The following WDR82 variants were observed in gnomAD, a reference collection of about 807,000 sequenced individuals.
The protein encoded by WDR82 is WD repeat-containing protein 82.
A neutral mutation model predicts 36.1 loss-of-function variants in WDR82; 8 were observed. That is an observed-to-expected ratio of 0.22 (90% CI 0.13 to 0.40). The LOEUF (loss-of-function observed/expected upper bound fraction) is 0.40, where lower values mean the gene tolerates loss of function less well. WDR82 is among the 10% of genes least tolerant of loss of function. The pLI, the probability that WDR82 is intolerant of heterozygous loss-of-function variation, is 1.00. For synonymous variants in WDR82, 129 were observed against 137.8 expected, an observed-to-expected ratio of 0.94 and a Z score of 0.45; for missense variants, 185 against 400.5, an observed-to-expected ratio of 0.46 and a Z score of 4.59.
rs1274552841 is a variant in WDR82 at position 52,277,110 on chromosome 3, C to T, written c.161+1091G>A. Among the ~76,000 whole-genome samples the T allele has an allele frequency of 2.1e-5, 3 of 144,974 alleles. No homozygotes were observed. In the East Asian group the frequency reaches 6.1e-4, roughly 29 times the overall value. ...ATAATAATAATAATAATATCTGTTA[C>T]TAGGTGACAAAATCAAGTCTGAAAA... On this transcript the variant is annotated intron_variant, in intron 1 of 8. Transcript: ENST00000296490.
At chr3:52,271,700 T>C (rs1700155550) in intron 1 of WDR82, among the ~76,000 whole-genome samples, 1 of 152,198 alleles carries the variant, frequency 6.6e-6, no homozygotes, top group East Asian at 1.9e-4. Context: ...CTTCCTATCC[T>C]ACAGGTCAAA....
chr3:52,268,855 C>T (rs547682285), intron 2 of WDR82, among the ~76,000 whole-genome samples: 2 of 152,210 alleles, frequency 1.3e-5, no homozygotes, highest in South Asian at 4.1e-4. Context: ...GAGATGGAGC[C>T]TCGCTCTGTC....
At chr3:52,275,182 C>T (rs1419129835) in intron 1 of WDR82, among the ~76,000 whole-genome samples, 1 of 152,074 alleles carries the variant, frequency 6.6e-6, no homozygotes, top group Non-Finnish European at 1.5e-5. Flanking sequence ...GATGGAGCCA[C>T]TGCACTCCAG....
At chr3:52,265,299 C>CAAAAAA (rs869189597) in intron 3 of WDR82, among the ~76,000 whole-genome samples, 17 of 43,808 alleles carry the variant, frequency 3.9e-4, no homozygotes, top group East Asian at 2.0e-3. Flanking sequence ...GACTCTGTCT[C>CAAAAAA]AAAAAAAAAA....
At chr3:52,259,624 A>G in intron 6 of WDR82, 93 bp downstream of exon 6, 1 of 1,440,206 alleles carries the variant, frequency 6.9e-7, no homozygotes, top group Admixed American at 2.2e-5. Context: ...GTAAGTCAAG[A>G]GTAACTGTTG....
intron 4 of WDR82, 49 bp downstream of exon 4, chr3:52,261,331 T>C (rs1476247483): frequency 1.3e-6 from 2 of 1,511,888 alleles, no homozygotes; most frequent in African/African-American, 1.4e-5. Context: ...TTCATTACAG[T>C]GCCTACCAAA....
At chr3:52,260,597 G>A (rs1419203454) in intron 4 of WDR82, 96 bp from the exon 5 acceptor site, 3 of 757,278 alleles carry the variant, frequency 4.0e-6, no homozygotes, top group Non-Finnish European at 4.1e-6. Flanking sequence ...AAAAAAAAAT[G>A]AATCCAGGAC....
chr3:52,260,266 T>C (rs1578005260), intron 5 of WDR82, 119 bp downstream of exon 5: 5 of 646,876 alleles, frequency 7.7e-6, no homozygotes, highest in Non-Finnish European at 5.0e-6. Flanking sequence ...GAGGCAGAGG[T>C]TGCAGTGAGC....
Position 52,257,583 on chromosome 3 carries a change from A to G in WDR82, c.913-64T>C, listed in dbSNP as rs903645600. ...ATCTCCTCACTGCCAACGGTTCTTC[A>G]CATCCCACCCCACAGCAAAAATGTG... On this transcript the variant is annotated intron_variant, in intron 8 of 8. Coordinates refer to ENST00000296490, the MANE Select transcript of WDR82 (RefSeq NM_025222.4). 18 of 1,606,830 alleles carry G rather than the reference A, an allele frequency of 1.1e-5. No individual in the cohort carries two copies. The Admixed American group carries it at 2.7e-4, about 24-fold the overall frequency.
At chr3:52,270,212 C>T (rs905191566) in intron 2 of WDR82, among the ~76,000 whole-genome samples, 8 of 152,168 alleles carry the variant, frequency 5.3e-5, no homozygotes, top group Non-Finnish European at 8.8e-5. Flanking sequence ...CTCTGCCTCC[C>T]GGGTTCAAGA....
chr3:52,274,141 A>G (rs538236254), intron 1 of WDR82, among the ~76,000 whole-genome samples: 2 of 152,368 alleles, frequency 1.3e-5, no homozygotes, highest in South Asian at 4.1e-4. Flanking sequence ...AAATTGAAAT[A>G]TCACTCAATG....
At chr3:52,278,175 G>C (rs377533223) in intron 1 of WDR82, 26 bp downstream of exon 1, 1 of 1,568,322 alleles carries the variant, frequency 6.4e-7, no homozygotes, top group South Asian at 1.1e-5. Flanking sequence ...ACTGAGACTC[G>C]GGCCCAGGGC....
Position 52,259,870 on chromosome 3 carries a change from C to T in WDR82, c.546G>A (p.Gly182=), listed in dbSNP as rs1700045298. ...ACTGCATCTTAAAGGTAGCAAATGG[C>T]CCCTGCAAAAGATAAAAAACAGTAG... ...KLYDLRSFDK[G]PFATFKMQYD... The change falls in exon 6 of 9, where the codon GGG becomes GGA. Residue 182 remains glycine, a splice_region_variant and synonymous_variant. Coordinates refer to ENST00000296490, the MANE Select transcript of WDR82 (RefSeq NM_025222.4). 3.7e-6 allele frequency: 6 copies of T among 1,611,178 alleles called. No homozygotes were observed. Among genetic ancestry groups the T allele is most frequent in the South Asian group, 1.1e-5 (1 of 90,732 alleles).
intron 1 of WDR82, among the ~76,000 whole-genome samples, chr3:52,277,595 A>G (rs891386654): frequency 2.6e-5 from 4 of 152,216 alleles, no homozygotes; most frequent in Non-Finnish European, 4.4e-5. Context: ...CTGAATGAGT[A>G]AGAGAAAGGC....
At chr3:52,273,092 G>T (rs910934174) in intron 1 of WDR82, among the ~76,000 whole-genome samples, 2 of 152,202 alleles carry the variant, frequency 1.3e-5, no homozygotes. Flanking sequence ...TCTGCTACCA[G>T]TGGAAGAAGT....
Position 52,260,369 on chromosome 3 carries a change from A to G in WDR82, c.543+16T>C, listed in dbSNP as rs779831925. ...ACAAAAAACAGCTCAAAGATCTCAAAGATTCAAAGATTTACCTTATCAAAA... is the reference window on the plus strand; with the variant it reads ...ACAAAAAACAGCTCAAAGATCTCAAGGATTCAAAGATTTACCTTATCAAAA... On this transcript the variant is annotated intron_variant, in intron 5 of 8. Transcript: ENST00000296490. 66 of 1,518,656 alleles carry G rather than the reference A, an allele frequency of 4.3e-5. 1 individual carries two copies. The South Asian group carries it at 8.0e-4, about 18-fold the overall frequency. 94.1% of individuals were successfully genotyped at this position (1,518,656 alleles called of 1,614,324 possible).
chr3:52,276,163 G>A (rs1700200924), intron 1 of WDR82, among the ~76,000 whole-genome samples: 2 of 152,194 alleles, frequency 1.3e-5, no homozygotes, highest in South Asian at 4.1e-4. Context: ...GCCAGGCACA[G>A]CAGCTCATGC....
At position 52,257,121 on chromosome 3, in the gene WDR82, G is replaced by A. The variant is rs2107328509; in HGVS notation, c.*369C>T. Reference sequence around the variant, plus strand: ...CTTTGGCTTCCCATGCAGTTGGAGGGTAGAAGGGATGTGCGGAACTGATGA... The same window carrying A: ...CTTTGGCTTCCCATGCAGTTGGAGGATAGAAGGGATGTGCGGAACTGATGA... On this transcript the variant is annotated 3_prime_UTR_variant, in exon 9 of 9. Transcript: ENST00000296490. 4.1e-6 allele frequency: 1 copy of A among 244,190 alleles called. No homozygotes were observed. Among genetic ancestry groups the A allele is most frequent in the Middle Eastern group, 1.5e-3 (1 of 680 alleles). 15.1% of individuals were successfully genotyped at this position (244,190 alleles called of 1,614,324 possible).
chr3:52,277,092 T>TAAG (rs1444124380), intron 1 of WDR82, among the ~76,000 whole-genome samples: 3 of 146,626 alleles, frequency 2.0e-5, no homozygotes, highest in Non-Finnish European at 1.5e-5. Context: ...ATAATAATAA[T>TAAG]AATAATAATA....
Sources: gnomAD v4.1 joint callset for allele counts (sites outside exome capture counted in the v4.1 genomes callset) on GRCh38, gnomAD v4.1.1 for gene constraint, MANE v1.5 for transcripts, NCBI Gene and HGNC (gene_info 2026-07-23, HGNC 2026-07-21) for gene names.